The following HHAT variants were observed in gnomAD, a reference collection of about 807,000 sequenced individuals.
HHAT encodes hedgehog acyltransferase.
Under a neutral mutation model 70.8 loss-of-function variants are expected in HHAT, and 47 were observed. The observed-to-expected ratio is 0.66, with a 90% CI of 0.53 to 0.85. The LOEUF (loss-of-function observed/expected upper bound fraction) is 0.85. Ranked by LOEUF, HHAT falls within the 40% of genes least tolerant of loss-of-function variation. HHAT has a pLI of 0.00. For missense variants in HHAT, 609 were observed against 604.8 expected (o/e 1.01, Z -0.07); for synonymous variants, 228 against 247.6 (o/e 0.92, Z 0.74).
chr1:210,588,325 T>G (rs909915152), intron 10 of HHAT: 1 of 450,054 alleles, frequency 2.2e-6, no homozygotes, highest in African/African-American at 1.9e-5. Flanking sequence ...ATAAAAAATG[T>G]ATTATGTAAA....
chr1:210,530,329 T>A (rs2095301593), intron 9 of HHAT, among the ~76,000 whole-genome samples: 1 of 152,120 alleles, frequency 6.6e-6, no homozygotes, highest in Non-Finnish European at 1.5e-5. Flanking sequence ...GCCTTTACCT[T>A]AAAAGGTGAG....
chr1:210,643,952 G>A (rs1456797207), intron 11 of HHAT, among the ~76,000 whole-genome samples: 1 of 132,192 alleles, frequency 7.6e-6, no homozygotes, highest in East Asian at 2.0e-4. Flanking sequence ...TTTAAGATCT[G>A]TAGCTTAAAA....
Position 210,328,922 on chromosome 1 carries a change from G to C in HHAT, c.-226G>C. 1 of 988,120 alleles carries C rather than the reference G, an allele frequency of 1.0e-6. No homozygotes were observed. The highest frequency in any genetic ancestry group is 1.3e-6 in the Non-Finnish European group (1 of 759,954). The allele number at this position is 988,120 out of a possible 1,614,324, so 61.2% of individuals were successfully genotyped here. On this transcript the variant is annotated 5_prime_UTR_variant, in exon 1 of 12. Transcript: ENST00000261458. ...CGCGCGGGCACGGCGGCAGGGGCGT[G>C]CTCGGAGGACGCGCGCTGCGCTGCT...
chr1:210,360,656 G>C (rs746164673), intron 2 of HHAT, among the ~76,000 whole-genome samples: 2 of 152,032 alleles, frequency 1.3e-5, no homozygotes, highest in African/African-American at 4.8e-5. Flanking sequence ...TATTGTACTC[G>C]TGGGCCACAT....
At chr1:210,410,363 T>C (rs2092492122) in intron 6 of HHAT, among the ~76,000 whole-genome samples, 1 of 148,984 alleles carries the variant, frequency 6.7e-6, no homozygotes, top group Non-Finnish European at 1.5e-5. Flanking sequence ...GCCGGATTTT[T>C]TAAACAAAAG....
intron 6 of HHAT, among the ~76,000 whole-genome samples, chr1:210,415,766 C>T (rs1245322720): frequency 6.6e-6 from 1 of 151,926 alleles, no homozygotes; most frequent in African/African-American, 2.4e-5. Context: ...TAAAATGATT[C>T]TCCTGCCTCA....
At chr1:210,426,035 G>A (rs1319102528) in intron 7 of HHAT, among the ~76,000 whole-genome samples, 1 of 152,114 alleles carries the variant, frequency 6.6e-6, no homozygotes, top group Admixed American at 6.5e-5. Flanking sequence ...GTGGGTTGTA[G>A]TTATACTTGT....
rs375863421 is a variant in HHAT, at chr1:210,553,213, G to A, written c.1044-34685G>A. 1.6e-3 allele frequency among the ~76,000 whole-genome samples: 237 copies of A among 152,238 alleles called. 1 individual carries two copies. Among genetic ancestry groups the A allele is most frequent in the South Asian group, 4.1e-3 (20 of 4,820 alleles). Reference sequence around the variant, plus strand: ...AGGGGACCAAGGCTGGCTTCCTGGCGCACAGCAAGAACAGCCAAGTCCTGT... The same window carrying A: ...AGGGGACCAAGGCTGGCTTCCTGGCACACAGCAAGAACAGCCAAGTCCTGT... On this transcript the variant is annotated intron_variant, in intron 9 of 11. Coordinates refer to ENST00000261458, the MANE Select transcript of HHAT (RefSeq NM_018194.6).
chr1:210,361,065 G>C (rs375559146), intron 2 of HHAT, among the ~76,000 whole-genome samples: 1 of 151,686 alleles, frequency 6.6e-6, no homozygotes, highest in Non-Finnish European at 1.5e-5. Context: ...AACTCTTAAA[G>C]AAGCACCAAA....
intron 10 of HHAT, among the ~76,000 whole-genome samples, chr1:210,616,275 A>G (rs1050390159): frequency 3.9e-5 from 6 of 152,274 alleles, no homozygotes; most frequent in Non-Finnish European, 7.4e-5. Context: ...ACAATAGATT[A>G]CTTCAACTTA....
intron 3 of HHAT, among the ~76,000 whole-genome samples, chr1:210,386,490 G>A (rs554210710): frequency 2.4e-3 from 366 of 151,478 alleles, no homozygotes; most frequent in African/African-American, 8.4e-3. Context: ...CGCCCGCCTC[G>A]GCCTCCCAAA....
chr1:210,378,038 AT>A (rs1448122943), intron 3 of HHAT, among the ~76,000 whole-genome samples: 2 of 152,366 alleles, frequency 1.3e-5, no homozygotes, highest in Admixed American at 1.3e-4. Flanking sequence ...TTTAGTTCAA[AT>A]TCTTTTAGAA....
At chr1:210,415,355 C>T (rs1417034403) in intron 6 of HHAT, among the ~76,000 whole-genome samples, 1 of 152,178 alleles carries the variant, frequency 6.6e-6, no homozygotes, top group East Asian at 1.9e-4. Flanking sequence ...AGCATGCATG[C>T]TTGAGGTAAG....
chr1:210,350,600 T>A (rs2086930038), intron 2 of HHAT, among the ~76,000 whole-genome samples: 1 of 152,256 alleles, frequency 6.6e-6, no homozygotes, highest in Admixed American at 6.5e-5. Flanking sequence ...GGAAAGCAAT[T>A]GATTTTGTTA....
At chr1:210,383,161 G>A (rs2090779581) in intron 3 of HHAT, among the ~76,000 whole-genome samples, 2 of 152,134 alleles carry the variant, frequency 1.3e-5, no homozygotes, top group Non-Finnish European at 1.5e-5. Flanking sequence ...ACAATGTGGT[G>A]AAACCCCGTA....
At chr1:210,515,951 T>C (rs1190499695) in intron 9 of HHAT, among the ~76,000 whole-genome samples, 1 of 151,768 alleles carries the variant, frequency 6.6e-6, no homozygotes, top group African/African-American at 2.4e-5. Flanking sequence ...ACACCTGTAA[T>C]CACAGCTACT....
At chr1:210,343,908 CTAA>C (rs1239029173) in intron 1 of HHAT, among the ~76,000 whole-genome samples, 2 of 152,180 alleles carry the variant, frequency 1.3e-5, no homozygotes, top group Non-Finnish European at 1.5e-5. Flanking sequence ...CTAGTAACTA[CTAA>C]TGTTTGTTGA....
At chr1:210,593,368 T>G (rs1662192033) in intron 10 of HHAT, among the ~76,000 whole-genome samples, 1 of 152,114 alleles carries the variant, frequency 6.6e-6, no homozygotes, top group African/African-American at 2.4e-5. Flanking sequence ...AGTTTTGGCA[T>G]GTTGTGTATC....
chr1:210,373,924 G>A (rs1347964748), intron 3 of HHAT, among the ~76,000 whole-genome samples: 1 of 152,226 alleles, frequency 6.6e-6, no homozygotes. Context: ...GTCTAAGCCA[G>A]TCTGTGTCTC....
Sources: allele counts gnomAD v4.1 joint callset (sites outside exome capture counted in the v4.1 genomes callset), GRCh38; gene constraint gnomAD v4.1.1; transcripts MANE v1.5; gene names NCBI Gene and HGNC (gene_info 2026-07-23, HGNC 2026-07-21).